Variants in MARCHF2 observed in about 807,000 individuals in gnomAD.
MARCHF2 encodes the protein membrane associated ring-CH-type finger 2, also known as E3 ubiquitin-protein ligase MARCHF2.
MARCHF2 carries 22 observed loss-of-function variants against 24.0 expected under a neutral mutation model. The observed-to-expected ratio is 0.92, with a 90% CI of 0.66 to 1.31. The LOEUF (loss-of-function observed/expected upper bound fraction) is 1.31, where lower values mean the gene tolerates loss of function less well. Among genes scored for constraint, MARCHF2 ranks in the 50% most tolerant of loss-of-function variants. The probability of loss-of-function intolerance (pLI) is 0.00; values close to 1 mark genes in which losing one functional copy is unlikely to be tolerated. For synonymous variants in MARCHF2, 154 were observed against 153.0 expected, an observed-to-expected ratio of 1.01 and a Z score of -0.05; for missense variants, 301 against 335.3, an observed-to-expected ratio of 0.90 and a Z score of 0.80.
Position 8,421,382 on chromosome 19 carries a change from C to CTTTTTTTTTT in MARCHF2, c.-52-398_-52-389dup, listed in dbSNP as rs1254772289. Among the ~76,000 whole-genome samples, 241 of 111,638 alleles carry CTTTTTTTTTT rather than the reference C, an allele frequency of 2.2e-3. 1 individual carries two copies. The highest frequency in any genetic ancestry group is 5.6e-3 in the Middle Eastern group (1 of 180). The allele number at this position is 111,638 out of a possible 152,430, so 73.2% of individuals were successfully genotyped here. ...TTTTTTTTACTTTTTTCTTTCTTTTCTTTTTTTTTTTTTTTTTTGTATTTT... is the reference window on the plus strand; with the variant it reads ...TTTTTTTTACTTTTTTCTTTCTTTTCTTTTTTTTTTTTTTTTTTTTTTTTTTTTGTATTTT... On this transcript the variant is annotated intron_variant, in intron 1 of 4. Coordinates refer to ENST00000215555, the MANE Select transcript of MARCHF2 (RefSeq NM_001005415.2).
At position 8,430,545 on chromosome 19, in the gene MARCHF2, A is replaced by G. The variant is rs889544539; in HGVS notation, c.373-113A>G. ...GTGAGAATCTGTCTCAAAAAAAAAA[A>G]AAAGAAAGAAGGAAAGGACAGAGGG... On this transcript the variant is annotated intron_variant, in intron 3 of 4. Transcript: ENST00000215555. The surrounding 1 kb of genome is among the most constrained non-coding windows in gnomAD (Gnocchi z 4.4). The G allele has an allele frequency of 2.3e-5, 19 of 810,178 alleles. No individual in the cohort carries two copies. In the Middle Eastern group the frequency reaches 1.9e-3, roughly 80 times the overall value. 50.2% of individuals were successfully genotyped at this position (810,178 alleles called of 1,614,324 possible).
intron 4 of MARCHF2, among the ~76,000 whole-genome samples, chr19:8,435,757 C>T (rs1048616350): frequency 2.0e-5 from 3 of 150,698 alleles, no homozygotes; most frequent in Admixed American, 6.7e-5. Context: ...TGTATCTGGT[C>T]TTAAACTCCT....
rs956972982 is a variant in MARCHF2 at position 8,422,579 on chromosome 19, G to A, written c.176+563G>A. ...GGCTAGTTTTTGTACTTCTAGCAGA[G>A]ACGGGGTTTCGCCATGTTGGCCAGG... On this transcript the variant is annotated intron_variant, in intron 2 of 4. Coordinates refer to ENST00000215555, the MANE Select transcript of MARCHF2 (RefSeq NM_001005415.2). Among the ~76,000 whole-genome samples the A allele has an allele frequency of 2.0e-5, 3 of 151,974 alleles. No individual in the cohort carries two copies. In the East Asian group the frequency reaches 5.8e-4, roughly 29 times the overall value.
At chr19:8,438,146 C>T (rs1299749762) in intron 4 of MARCHF2, among the ~76,000 whole-genome samples, 3 of 152,144 alleles carry the variant, frequency 2.0e-5, no homozygotes, top group African/African-American at 7.2e-5. Context: ...CTCCCGTTTG[C>T]TTCCTGCTGG....
intron 3 of MARCHF2, among the ~76,000 whole-genome samples, chr19:8,427,175 G>T (rs558392106): frequency 6.6e-6 from 1 of 152,202 alleles, no homozygotes; most frequent in Non-Finnish European, 1.5e-5. Context: ...AGCCTCCCAA[G>T]TAGCTGGGAT....
At chr19:8,432,218 A>G (rs1458615737) in intron 4 of MARCHF2, among the ~76,000 whole-genome samples, 1 of 151,972 alleles carries the variant, frequency 6.6e-6, no homozygotes, top group Non-Finnish European at 1.5e-5. Flanking sequence ...AGAGAGAGGA[A>G]CTGAGATGAA....
chr19:8,421,802 T>A lies in MARCHF2; in HGVS notation c.-39T>A. ...GCCTGTTCCCAGGCTCCTGGAACCA[T>A]GGGCCTCAGGCCCTGAGGATACGGG... On this transcript the variant is annotated 5_prime_UTR_variant, in exon 2 of 5. The change abolishes an upstream ATG in the 5' untranslated region. Transcript: ENST00000215555. 1 of 1,551,068 alleles carries A rather than the reference T, an allele frequency of 6.4e-7. No individual in the cohort carries two copies. Among genetic ancestry groups the A allele is most frequent in the Non-Finnish European group, 8.7e-7 (1 of 1,145,724 alleles).
chr19:8,419,126 C>T (rs536441663), intron 1 of MARCHF2, among the ~76,000 whole-genome samples: 6 of 151,832 alleles, frequency 4.0e-5, no homozygotes, highest in Non-Finnish European at 7.4e-5. Context: ...TTTGGGAGTC[C>T]GAGGCAGATG....
At chr19:8,415,397 GA>G (rs775473801) in intron 1 of MARCHF2, among the ~76,000 whole-genome samples, 3,348 of 89,074 alleles carry the variant, frequency 0.038, 128 homozygotes, top group African/African-American at 0.11. Context: ...TGCCTCAAAA[GA>G]AAAAAAAAAA....
At chr19:8,434,762 A>G (rs569133792) in intron 4 of MARCHF2, among the ~76,000 whole-genome samples, 1 of 152,210 alleles carries the variant, frequency 6.6e-6, no homozygotes, top group Admixed American at 6.5e-5. Flanking sequence ...GCCAGAGTGC[A>G]ATGGTGCAAT....
chr19:8,423,810 G>C (rs1455793608), intron 2 of MARCHF2: 1 of 151,982 alleles, frequency 6.6e-6, no homozygotes, highest in Non-Finnish European at 1.5e-5. Context: ...GACCAGCCTG[G>C]TCAACATAGT....
At chr19:8,429,803 CTTTTTTTTTTT>C (rs371323385) in intron 3 of MARCHF2, among the ~76,000 whole-genome samples, 2 of 79,666 alleles carry the variant, frequency 2.5e-5, no homozygotes, top group Non-Finnish European at 5.1e-5. Context: ...CACACCAGGG[CTTTTTTTTTTT>C]TTTTTTTTTT....
At chr19:8,436,876 G>A (rs1427388475) in intron 4 of MARCHF2, among the ~76,000 whole-genome samples, 1 of 151,808 alleles carries the variant, frequency 6.6e-6, no homozygotes, top group Non-Finnish European at 1.5e-5. Flanking sequence ...TTTTAATAGA[G>A]ATGGGATTTC....
chr19:8,424,062 CTT>C (rs1049382726), intron 2 of MARCHF2, among the ~76,000 whole-genome samples: 1 of 151,684 alleles, frequency 6.6e-6, no homozygotes, highest in African/African-American at 2.4e-5. Flanking sequence ...GAAAATAGCT[CTT>C]CTTTGTGTGA....
intron 1 of MARCHF2, among the ~76,000 whole-genome samples, chr19:8,414,404 G>T (rs1967025500): frequency 6.6e-6 from 1 of 151,904 alleles, no homozygotes; most frequent in African/African-American, 2.4e-5. Flanking sequence ...AAGTAGTTGG[G>T]ATTACAGGCC....
rs1034362142 is a variant in MARCHF2, at chr19:8,430,693, G to T, written c.408G>T (p.Arg136=). The T allele has an allele frequency of 5.6e-6, 9 of 1,610,542 alleles. No individual in the cohort carries two copies. Among genetic ancestry groups the T allele is most frequent in the Non-Finnish European group, 6.8e-6 (8 of 1,179,932 alleles). Residue 136 remains arginine, a synonymous_variant, in exon 4 of 5, where the codon CGG becomes CGT. Coordinates refer to ENST00000215555, the MANE Select transcript of MARCHF2 (RefSeq NM_001005415.2). The surrounding 1 kb of genome is among the most constrained non-coding windows in gnomAD (Gnocchi z 4.4). ...ACCCGGGGCCGCGGACGGAGAAGCGGACACTGTGCTGCGACATGGTGTGTT... is the reference window on the plus strand; with the variant it reads ...ACCCGGGGCCGCGGACGGAGAAGCGTACACTGTGCTGCGACATGGTGTGTT... ...LKDPGPRTEK[R]TLCCDMVCFL... is the part of the protein sequence containing the mutation.
chr19:8,425,619 A>ATT (rs199582202), intron 2 of MARCHF2, among the ~76,000 whole-genome samples: 1 of 136,326 alleles, frequency 7.3e-6, no homozygotes, highest in African/African-American at 2.7e-5. Context: ...GTCCTTGAGG[A>ATT]TTTTTTTTTT....
chr19:8,424,220 G>A (rs746226673), intron 2 of MARCHF2, among the ~76,000 whole-genome samples: 8 of 152,106 alleles, frequency 5.3e-5, no homozygotes, highest in East Asian at 1.9e-4. Flanking sequence ...AGACTTTTCC[G>A]AGGCAGCTTT....
chr19:8,415,838 G>A (rs1967074238), intron 1 of MARCHF2, among the ~76,000 whole-genome samples: 1 of 151,594 alleles, frequency 6.6e-6, no homozygotes, highest in Non-Finnish European at 1.5e-5. Flanking sequence ...TCCCATTTCA[G>A]CAGCCTCAGA....
Sources: allele counts gnomAD v4.1 joint callset (sites outside exome capture counted in the v4.1 genomes callset), GRCh38; gene constraint gnomAD v4.1.1; non-coding constraint Gnocchi (gnomAD v3.1); transcripts MANE v1.5; gene names NCBI Gene and HGNC (gene_info 2026-07-23, HGNC 2026-07-21).